GRM5: variants seen among roughly 807,000 people sequenced by gnomAD.
GRM5 encodes glutamate metabotropic receptor 5.
Under a neutral mutation model 83.1 loss-of-function variants are expected in GRM5, and 19 were observed. The ratio of observed to expected loss-of-function variants is 0.23; its 90% CI spans 0.16 to 0.34. The LOEUF (loss-of-function observed/expected upper bound fraction) is 0.34, where lower values mean the gene tolerates loss of function less well. GRM5 is among the 10% of genes least tolerant of loss of function. The pLI, the probability that GRM5 is intolerant of heterozygous loss-of-function variation, is 1.00. For missense variants in GRM5, 1,160 were observed against 1,588.3 expected (o/e 0.73, Z 4.58); for synonymous variants, 675 against 633.6 (o/e 1.07, Z -0.98).
chr11:88,616,389 GTTT>G (rs68153026), intron 4 of GRM5, among the ~76,000 whole-genome samples: 3,032 of 95,780 alleles, frequency 0.032, 69 homozygotes, highest in South Asian at 0.055. Flanking sequence ...GCTTTGGAGT[GTTT>G]TTTTTTTTTT....
At chr11:88,743,274 T>A (rs1192473190) in intron 3 of GRM5, among the ~76,000 whole-genome samples, 6 of 152,096 alleles carry the variant, frequency 3.9e-5, no homozygotes, top group African/African-American at 1.4e-4. Flanking sequence ...AAATATCTAC[T>A]CAAGTTGCCA....
intron 2 of GRM5, among the ~76,000 whole-genome samples, chr11:88,946,239 G>A (rs891653137): frequency 1.6e-4 from 24 of 152,048 alleles, no homozygotes; most frequent in African/African-American, 5.8e-4. Flanking sequence ...AGCAAAAGAT[G>A]CTGGCAAGGA....
chr11:88,637,746 G>A (rs1322264715), intron 4 of GRM5, among the ~76,000 whole-genome samples: 1 of 148,966 alleles, frequency 6.7e-6, no homozygotes, highest in Admixed American at 6.7e-5. Flanking sequence ...AGTCAGTGTG[G>A]TGATTCCTCA....
At chr11:88,636,518 T>G (rs1363164887) in intron 4 of GRM5, among the ~76,000 whole-genome samples, 1 of 147,892 alleles carries the variant, frequency 6.8e-6, no homozygotes, top group East Asian at 2.0e-4. Context: ...AGAGCGAGAC[T>G]GTCTCAAAAA....
At chr11:88,730,645 A>T (rs1006767026) in intron 3 of GRM5, among the ~76,000 whole-genome samples, 3 of 152,166 alleles carry the variant, frequency 2.0e-5, no homozygotes, top group Non-Finnish European at 2.9e-5. Flanking sequence ...TAGACTAGAT[A>T]AAAAAATGTG....
At position 88,505,365 on chromosome 11, in the gene GRM5, G is replaced by A. The variant is rs1941157886; in HGVS notation, c.*3227C>T. 4 of 152,166 alleles carry A rather than the reference G, an allele frequency of 2.6e-5. No homozygotes were observed. The South Asian group carries it at 8.3e-4, about 32-fold the overall frequency. The allele number at this position is 152,166 out of a possible 1,614,324, so 9.4% of individuals were successfully genotyped here. A position where few individuals can be genotyped will look rare whatever the true frequency, so the allele number is the denominator to read the frequency against. On this transcript the variant is annotated 3_prime_UTR_variant, in exon 10 of 10. Coordinates refer to ENST00000305447, the MANE Select transcript of GRM5 (RefSeq NM_001143831.3). ...TTCTTAAAAAGAGCATTTAATTCCT[G>A]GCTTGGAAGTCACAGAACTGCAGCA...
At chr11:88,799,734 A>G (rs4002397) in intron 3 of GRM5, among the ~76,000 whole-genome samples, 61,338 of 151,990 alleles carry the variant, frequency 0.4, 14,082 homozygotes, top group African/African-American at 0.61. Context: ...TTGTGTATCC[A>G]TGGTCACAGC....
chr11:88,967,134 G>A (rs1591004205), intron 2 of GRM5, among the ~76,000 whole-genome samples: 1 of 151,554 alleles, frequency 6.6e-6, no homozygotes, highest in East Asian at 1.9e-4. Flanking sequence ...GACAATCCAA[G>A]AAGCCAAGCA....
chr11:88,978,474 T>TAAAAA lies in GRM5; in HGVS notation c.661+68733_661+68737dup, dbSNP rs200343438. On this transcript the variant is annotated intron_variant, in intron 2 of 9. Coordinates refer to ENST00000305447, the MANE Select transcript of GRM5 (RefSeq NM_001143831.3). ...TAACATTAACAACAGCAGATGAGCT[T>TAAAAA]AAAAAAAAAAAAAAAAAAAAAAAAA... Among the ~76,000 whole-genome samples, 96 of 97,936 alleles carry TAAAAA rather than the reference T, an allele frequency of 9.8e-4. 4 individuals carry two copies. Among genetic ancestry groups the TAAAAA allele is most frequent in the East Asian group, 2.1e-3 (7 of 3,302 alleles). 64.2% of individuals were successfully genotyped at this position (97,936 alleles called of 152,430 possible).
At chr11:88,526,363 T>TA (rs1303755428) in intron 8 of GRM5, among the ~76,000 whole-genome samples, 1 of 152,198 alleles carries the variant, frequency 6.6e-6, no homozygotes, top group African/African-American at 2.4e-5. Flanking sequence ...GTAAGGTTTT[T>TA]AAAAAAGAAC....
chr11:88,542,771 T>C (rs538501765), intron 8 of GRM5, among the ~76,000 whole-genome samples: 1 of 152,234 alleles, frequency 6.6e-6, no homozygotes, highest in South Asian at 2.1e-4. Flanking sequence ...AAACTCATGG[T>C]AAAGATAATA....
chr11:88,520,617 G>A (rs1353742761), intron 9 of GRM5, among the ~76,000 whole-genome samples: 1 of 151,766 alleles, frequency 6.6e-6, no homozygotes, highest in African/African-American at 2.4e-5. Context: ...ATTTTCAAGG[G>A]CATTAGTCAT....
intron 4 of GRM5, among the ~76,000 whole-genome samples, chr11:88,623,233 C>A (rs1287395482): frequency 6.6e-6 from 1 of 151,918 alleles, no homozygotes; most frequent in Admixed American, 6.6e-5. Flanking sequence ...TTATAGCTGC[C>A]CACCACCATG....
intron 4 of GRM5, among the ~76,000 whole-genome samples, chr11:88,646,059 T>G (rs902116055): frequency 1.3e-5 from 2 of 151,966 alleles, no homozygotes; most frequent in African/African-American, 4.8e-5. Flanking sequence ...TTTAGGAAAT[T>G]TAGGTGAAAA....
intron 8 of GRM5, among the ~76,000 whole-genome samples, chr11:88,550,620 T>A (rs1591340963): frequency 1.3e-5 from 2 of 152,178 alleles, no homozygotes; most frequent in South Asian, 4.1e-4. Context: ...CTTCAGACAG[T>A]GGCTTTATAT....
At chr11:88,651,009 T>G (rs1939616786) in intron 4 of GRM5, among the ~76,000 whole-genome samples, 1 of 151,952 alleles carries the variant, frequency 6.6e-6, no homozygotes, top group Non-Finnish European at 1.5e-5. Flanking sequence ...TCAGACGAGA[T>G]TCCAAGGGGG....
At chr11:88,800,656 A>G (rs1943371564) in intron 3 of GRM5, among the ~76,000 whole-genome samples, 1 of 152,122 alleles carries the variant, frequency 6.6e-6, no homozygotes, top group African/African-American at 2.4e-5. Flanking sequence ...TGGACTAGCC[A>G]AGGGACATTA....
At chr11:88,876,860 A>G (rs1944862070) in intron 2 of GRM5, among the ~76,000 whole-genome samples, 8 of 152,096 alleles carry the variant, frequency 5.3e-5, no homozygotes. Flanking sequence ...TGGTATATAA[A>G]CACAATGGAG....
chr11:88,923,313 T>G (rs925038400), intron 2 of GRM5, among the ~76,000 whole-genome samples: 1 of 152,064 alleles, frequency 6.6e-6, no homozygotes, highest in African/African-American at 2.4e-5. Context: ...TGTTCATCAG[T>G]AGATGAATGG....
Sources: gnomAD v4.1 joint callset for allele counts (sites outside exome capture counted in the v4.1 genomes callset) on GRCh38, gnomAD v4.1.1 for gene constraint, MANE v1.5 for transcripts, NCBI Gene and HGNC (gene_info 2026-07-23, HGNC 2026-07-21) for gene names.